FSTL5: variants seen among roughly 807,000 people sequenced by gnomAD.
The protein encoded by FSTL5 is follistatin like 5.
FSTL5 carries 62 observed loss-of-function variants against 89.1 expected under a neutral mutation model. The ratio of observed to expected loss-of-function variants is 0.70; its 90% CI spans 0.57 to 0.86. The LOEUF (loss-of-function observed/expected upper bound fraction) is 0.86, where lower values mean the gene tolerates loss of function less well. Among genes scored for constraint, FSTL5 ranks in the 40% least tolerant of loss-of-function variants. The pLI, the probability that FSTL5 is intolerant of heterozygous loss-of-function variation, is 0.00. For missense variants in FSTL5, 1,057 were observed against 1,001.6 expected (o/e 1.06, Z -0.75); for synonymous variants, 383 against 346.2 (o/e 1.11, Z -1.18).
At chr4:162,068,766 T>C (rs919007214) in intron 2 of FSTL5, among the ~76,000 whole-genome samples, 4 of 151,540 alleles carry the variant, frequency 2.6e-5, no homozygotes, top group African/African-American at 9.7e-5. Flanking sequence ...ACTTACAGAG[T>C]GGGAGAAAAT....
At chr4:162,106,415 G>C (rs1259000358) in intron 2 of FSTL5, among the ~76,000 whole-genome samples, 1 of 152,138 alleles carries the variant, frequency 6.6e-6, no homozygotes, top group African/African-American at 2.4e-5. Context: ...GTAGCAGTGT[G>C]ATCAGCACTG....
chr4:161,723,808 A>G (rs184559004), intron 6 of FSTL5, among the ~76,000 whole-genome samples: 1 of 152,310 alleles, frequency 6.6e-6, no homozygotes, highest in Admixed American at 6.5e-5. Context: ...AAGAAAACAA[A>G]CCAACATCAG....
Position 161,948,691 on chromosome 4 carries a change from G to A in FSTL5, c.161-28039C>T, listed in dbSNP as rs536759780. ...TTGAACTCCTGACCTCAGGTGATCC[G>A]CCCGCCTTGGCCTCCCAAAGTGCTA... On this transcript the variant is annotated intron_variant, in intron 3 of 15. Transcript: ENST00000306100. Among the ~76,000 whole-genome samples, 315 of 151,756 alleles carry A rather than the reference G, an allele frequency of 2.1e-3. 1 individual carries two copies. The highest frequency in any genetic ancestry group is 7.1e-3 in the African/African-American group (296 of 41,410).
intron 15 of FSTL5, among the ~76,000 whole-genome samples, chr4:161,431,736 A>C (rs1201964218): frequency 1.3e-5 from 2 of 152,166 alleles, no homozygotes; most frequent in Non-Finnish European, 2.9e-5. Context: ...TTCACCAATA[A>C]AGACACACAT....
intron 2 of FSTL5, among the ~76,000 whole-genome samples, chr4:162,082,687 A>G (rs1579012627): frequency 6.6e-6 from 1 of 151,642 alleles, no homozygotes; most frequent in Non-Finnish European, 1.5e-5. Context: ...ACCTCTAAAT[A>G]TCAACACATC....
At position 162,028,422 on chromosome 4, in the gene FSTL5, C is replaced by T. The variant is rs796537777; in HGVS notation, c.160+5203G>A. Among the ~76,000 whole-genome samples the T allele has an allele frequency of 7.2e-5, 11 of 152,108 alleles. No homozygotes were observed. In the East Asian group the frequency reaches 1.4e-3, roughly 19 times the overall value. ...CAAAACCCCAACTCTACTAAAAATA[C>T]AAAAATTAGCCAGGGGTGCTGGCAC... On this transcript the variant is annotated intron_variant, in intron 3 of 15. Coordinates refer to ENST00000306100, the MANE Select transcript of FSTL5 (RefSeq NM_020116.5).
intron 8 of FSTL5, among the ~76,000 whole-genome samples, chr4:161,545,120 C>A (rs979579736): frequency 4.6e-5 from 7 of 151,898 alleles, no homozygotes; most frequent in African/African-American, 1.7e-4. Context: ...AATTTAAAAT[C>A]TTGGAAAAGT....
At chr4:162,085,596 G>A (rs1167537871) in intron 2 of FSTL5, among the ~76,000 whole-genome samples, 3 of 152,020 alleles carry the variant, frequency 2.0e-5, no homozygotes, top group African/African-American at 4.8e-5. Flanking sequence ...CGTATCTGGT[G>A]CACACATATC....
intron 1 of FSTL5, among the ~76,000 whole-genome samples, chr4:162,123,115 A>C (rs1371680922): frequency 6.6e-6 from 1 of 152,172 alleles, no homozygotes; most frequent in East Asian, 1.9e-4. Flanking sequence ...TTTTAAATTC[A>C]ACCTATTCCA....
intron 15 of FSTL5, among the ~76,000 whole-genome samples, chr4:161,448,015 G>A (rs982504510): frequency 1.7e-4 from 26 of 152,050 alleles, no homozygotes; most frequent in African/African-American, 5.6e-4. Flanking sequence ...TGGAGAGGGG[G>A]AGTAAAAAAG....
At chr4:161,741,688 T>TA (rs559937549) in intron 6 of FSTL5, among the ~76,000 whole-genome samples, 125 of 89,250 alleles carry the variant, frequency 1.4e-3, no homozygotes, top group East Asian at 3.2e-3. Flanking sequence ...ATGATTTTTT[T>TA]TTTTTTTTTT....
At chr4:161,452,831 C>A (rs1733219389) in intron 15 of FSTL5, among the ~76,000 whole-genome samples, 1 of 152,104 alleles carries the variant, frequency 6.6e-6, no homozygotes, top group South Asian at 2.1e-4. Context: ...ACTGCACATT[C>A]CTCAAAGGAA....
chr4:161,442,875 A>C (rs1018837354), intron 15 of FSTL5, among the ~76,000 whole-genome samples: 51 of 152,042 alleles, frequency 3.4e-4, no homozygotes, highest in African/African-American at 1.1e-3. Flanking sequence ...TAGGAAATCC[A>C]TTCCAAACTT....
At chr4:161,931,748 A>G (rs1038674703) in intron 3 of FSTL5, among the ~76,000 whole-genome samples, 4 of 151,990 alleles carry the variant, frequency 2.6e-5, no homozygotes, top group Non-Finnish European at 5.9e-5. Flanking sequence ...TTAAAAGTGC[A>G]TGTTTTCAGT....
At chr4:161,978,990 C>A (rs916127889) in intron 3 of FSTL5, among the ~76,000 whole-genome samples, 1 of 152,130 alleles carries the variant, frequency 6.6e-6, no homozygotes, top group Non-Finnish European at 1.5e-5. Flanking sequence ...CCAGATACCT[C>A]ATCCATAGGG....
chr4:161,812,129 A>G (rs919141896), intron 4 of FSTL5, among the ~76,000 whole-genome samples: 1 of 152,224 alleles, frequency 6.6e-6, no homozygotes, highest in Non-Finnish European at 1.5e-5. Context: ...AATAGAGGTT[A>G]TAGACATTGG....
intron 3 of FSTL5, among the ~76,000 whole-genome samples, chr4:162,008,796 A>G (rs1221870996): frequency 6.6e-6 from 1 of 151,882 alleles, no homozygotes; most frequent in Non-Finnish European, 1.5e-5. Context: ...GATTGCCTAA[A>G]CTTGGGCTTG....
At chr4:161,779,793 A>ATATATGTATATATATATG (rs1741577153) in intron 4 of FSTL5, among the ~76,000 whole-genome samples, 7 of 51,748 alleles carry the variant, frequency 1.4e-4, no homozygotes, top group Admixed American at 2.3e-4. Flanking sequence ...ATATATATAT[A>ATATATGTATATATATATG]TATATATATA....
intron 4 of FSTL5, among the ~76,000 whole-genome samples, chr4:161,907,660 T>C (rs1402727571): frequency 6.6e-6 from 1 of 152,090 alleles, no homozygotes; most frequent in Non-Finnish European, 1.5e-5. Flanking sequence ...TATCTGAAAG[T>C]CAGGGTGAAT....
Sources: allele counts gnomAD v4.1 joint callset (sites outside exome capture counted in the v4.1 genomes callset), GRCh38; gene constraint gnomAD v4.1.1; transcripts MANE v1.5; gene names NCBI Gene and HGNC (gene_info 2026-07-23, HGNC 2026-07-21).